Variants in PTDSS2 observed in about 807,000 individuals in gnomAD.
PTDSS2 encodes the protein PSS-2.
PTDSS2 carries 41 observed loss-of-function variants against 64.7 expected under a neutral mutation model. That is an observed-to-expected ratio of 0.63 (90% CI 0.49 to 0.82). PTDSS2 has a LOEUF of 0.82. PTDSS2 is among the 40% of genes least tolerant of loss of function. PTDSS2 has a pLI of 0.00. For missense variants in PTDSS2, 485 were observed against 650.0 expected (o/e 0.75, Z 2.76); for synonymous variants, 297 against 277.8 (o/e 1.07, Z -0.69).
chr11:486,695 A>T (rs1324495196), intron 4 of PTDSS2, among the ~76,000 whole-genome samples: 3 of 151,882 alleles, frequency 2.0e-5, no homozygotes, highest in Non-Finnish European at 4.4e-5. Context: ...ACAAAAAAAA[A>T]ATACTAGCCG....
chr11:474,607 A>G (rs1475048987), intron 3 of PTDSS2, among the ~76,000 whole-genome samples: 1 of 152,232 alleles, frequency 6.6e-6, no homozygotes, highest in Non-Finnish European at 1.5e-5. Context: ...CGTGGGCCAG[A>G]GCATCCCGCC....
At chr11:482,347 G>A (rs577940745) in intron 4 of PTDSS2, among the ~76,000 whole-genome samples, 1 of 151,356 alleles carries the variant, frequency 6.6e-6, no homozygotes, top group Non-Finnish European at 1.5e-5. Flanking sequence ...CTCACCCTCC[G>A]TAGTAGCTGG....
chr11:457,843 A>T (rs1395598075), intron 1 of PTDSS2, among the ~76,000 whole-genome samples: 1 of 152,116 alleles, frequency 6.6e-6, no homozygotes, highest in African/African-American at 2.4e-5. Flanking sequence ...CATAGGCCTC[A>T]CTTTTCTGTG....
At chr11:456,701 C>T (rs1006597731) in intron 1 of PTDSS2, among the ~76,000 whole-genome samples, 7 of 152,148 alleles carry the variant, frequency 4.6e-5, no homozygotes, top group African/African-American at 1.7e-4. Context: ...GTTTCTGGGT[C>T]GCCGAATCCA....
chr11:466,763 A>G (rs1187232341), intron 2 of PTDSS2, among the ~76,000 whole-genome samples: 1 of 152,136 alleles, frequency 6.6e-6, no homozygotes, highest in African/African-American at 2.4e-5. Flanking sequence ...ACTACATGAG[A>G]ACAGCATGGG....
intron 6 of PTDSS2, 59 bp from the exon 7 acceptor site, chr11:488,140 C>T (rs11821959): frequency 0.18 from 227,320 of 1,278,116 alleles, 23,779 homozygotes; most frequent in African/African-American, 0.32. Flanking sequence ...TGCACGCACC[C>T]GTGGGCAGGG....
At chr11:467,247 T>C (rs1847185903) in intron 2 of PTDSS2, among the ~76,000 whole-genome samples, 1 of 152,026 alleles carries the variant, frequency 6.6e-6, no homozygotes, top group African/African-American at 2.4e-5. Context: ...AGGGAAGTTA[T>C]TCAGACGGGA....
intron 2 of PTDSS2, among the ~76,000 whole-genome samples, chr11:472,783 G>GT (rs1847531528): frequency 6.6e-6 from 1 of 152,230 alleles, no homozygotes; most frequent in Non-Finnish European, 1.5e-5. Context: ...AATAGATAGC[G>GT]TGTCTCTGTG....
rs893461043 is a variant in PTDSS2, at chr11:476,568, G to A, written c.368-2517G>A. On this transcript the variant is annotated intron_variant, in intron 3 of 11. Coordinates refer to ENST00000308020, the MANE Select transcript of PTDSS2 (RefSeq NM_030783.3). The surrounding 1 kb of genome is among the most constrained non-coding windows in gnomAD (Gnocchi z 4.9). The stretch of plus-strand genomic sequence containing the variant: ...AGCCGTGAGTGGGACAGACTGGTCA[G>A]CAGGCAGCAGCTTGTCCTGGCATGT... 3.3e-5 allele frequency among the ~76,000 whole-genome samples: 5 copies of A among 152,158 alleles called. No homozygotes were observed. Among genetic ancestry groups the A allele is most frequent in the African/African-American group, 1.2e-4 (5 of 41,444 alleles).
At chr11:485,437 CGT>C (rs1397095672) in intron 4 of PTDSS2, among the ~76,000 whole-genome samples, 3 of 101,254 alleles carry the variant, frequency 3.0e-5, no homozygotes, top group Non-Finnish European at 4.0e-5. Flanking sequence ...GTGTGCTCAC[CGT>C]GTGCGCAGGC....
chr11:465,753 A>AC (rs55838661), intron 2 of PTDSS2, among the ~76,000 whole-genome samples: 22,513 of 138,436 alleles, frequency 0.16, 2,170 homozygotes, highest in African/African-American at 0.29. Flanking sequence ...AGTGAGGACC[A>AC]CCCCCCCCCC....
Position 479,747 on chromosome 11 carries a change from G to T in PTDSS2, c.435+595G>T, listed in dbSNP as rs1396009478. Among the ~76,000 whole-genome samples the T allele has an allele frequency of 6.6e-6, 1 of 152,218 alleles. No homozygotes were observed. Among genetic ancestry groups the T allele is most frequent in the Non-Finnish European group, 1.5e-5 (1 of 68,042 alleles). ...TCTGCAAGACGAGCAGGGTGCAGGT[G>T]GGAGACGCAGCTCCTTTGTAAATCC... On this transcript the variant is annotated intron_variant, in intron 4 of 11. Transcript: ENST00000308020. This position sits in a 1 kb window ranked among gnomAD's most constrained non-coding sequence, Gnocchi z 4.2.
intron 2 of PTDSS2, among the ~76,000 whole-genome samples, chr11:471,649 A>G (rs172441): frequency 1.5e-4 from 18 of 123,936 alleles, no homozygotes; most frequent in East Asian, 2.7e-4. Flanking sequence ...CTGGGGTGAC[A>G]CGCACCTGTC....
At chr11:474,840 G>C (rs1847652653) in intron 3 of PTDSS2, among the ~76,000 whole-genome samples, 1 of 151,032 alleles carries the variant, frequency 6.6e-6, no homozygotes, top group Non-Finnish European at 1.5e-5. Context: ...TTGTGATACG[G>C]ACATATTCAC....
chr11:472,831 G>A (rs1165232683), intron 2 of PTDSS2, among the ~76,000 whole-genome samples: 1 of 152,232 alleles, frequency 6.6e-6, no homozygotes, highest in Non-Finnish European at 1.5e-5. Flanking sequence ...ACGTGCGTGT[G>A]TGTGTGCAGC....
rs1230525494 is a variant in PTDSS2 at position 488,246 on chromosome 11, G to A, written c.669G>A (p.Met223Ile). ...DWWMCMIISV[M>I]FEFLEYSLEH... Reference sequence around the variant, plus strand: ...GGATGTGCATGATCATCAGCGTGATGTTCGAGTTCCTGGAGTACAGCCTGG... The same window carrying A: ...GGATGTGCATGATCATCAGCGTGATATTCGAGTTCCTGGAGTACAGCCTGG... The change falls in exon 7 of 12, where the codon ATG becomes ATA. Residue 223 changes from methionine (M) to isoleucine (I), a missense_variant. By Grantham distance (10) the Met-to-Ile change is conservative (BLOSUM62 1). Around this residue, in one of 3 missense-constraint regions of PTDSS2, gnomAD observed 251 missense variants for 348.0 expected, o/e 0.72. Coordinates refer to ENST00000308020, the MANE Select transcript of PTDSS2 (RefSeq NM_030783.3). 1.2e-6 allele frequency: 2 copies of A among 1,613,506 alleles called. No homozygotes were observed. The highest frequency in any genetic ancestry group is 1.7e-6 in the Non-Finnish European group (2 of 1,179,972).
chr11:455,321 G>A (rs72851110), intron 1 of PTDSS2, among the ~76,000 whole-genome samples: 33,078 of 152,034 alleles, frequency 0.22, 3,901 homozygotes, highest in African/African-American at 0.31. Context: ...TGGGGTGGCC[G>A]TGTGGTTCCA....
chr11:454,069 G>T lies in PTDSS2; in HGVS notation c.182+3432G>T, dbSNP rs146592957. Among the ~76,000 whole-genome samples the T allele has an allele frequency of 3.5e-3, 534 of 152,354 alleles. 2 individuals carry two copies. The highest frequency in any genetic ancestry group is 6.3e-3 in the Non-Finnish European group (428 of 68,028). On this transcript the variant is annotated intron_variant, in intron 1 of 11. Transcript: ENST00000308020. ...TGAGAGTCTCATGCTATCTTGAGCG[G>T]CACTCTGTCACTTCCAAGATGTGTA...
Position 488,621 on chromosome 11 carries a change from G to A in PTDSS2, c.828G>A (p.Gln276=). 6.2e-7 allele frequency: 1 copy of A among 1,613,202 alleles called. No individual in the cohort carries two copies. The highest frequency in any genetic ancestry group is 8.5e-7 in the Non-Finnish European group (1 of 1,179,842). Residue 276 remains glutamine (Q), a synonymous_variant, in exon 8 of 12, where the codon CAG becomes CAA. Transcript: ENST00000308020. Reference sequence around the variant, plus strand: ...TGTCCCTGAAGACGTACAAGTGGCAGGGCCTCTGGAACATTCCGACCTACA... The same window carrying A: ...TGTCCCTGAAGACGTACAAGTGGCAAGGCCTCTGGAACATTCCGACCTACA... The part of the protein sequence containing the change: ...EWLSLKTYKW[Q]GLWNIPTYKG...
Sources: gnomAD v4.1 joint callset for allele counts (sites outside exome capture counted in the v4.1 genomes callset) on GRCh38, gnomAD v4.1.1 for gene constraint, gnomAD v4.1.1 regional missense constraint, Gnocchi (gnomAD v3.1) non-coding constraint, MANE v1.5 for transcripts, NCBI Gene and HGNC (gene_info 2026-07-23, HGNC 2026-07-21) for gene names.